ARSB: variants seen among roughly 807,000 people sequenced by gnomAD.
ARSB encodes N-acetylgalactosamine-4-sulfatase.
Under a neutral mutation model 50.9 loss-of-function variants are expected in ARSB, and 41 were observed. That is an observed-to-expected ratio of 0.81 (90% confidence interval 0.63 to 1.04). The LOEUF is 1.04. Ranked by LOEUF, ARSB falls within the 50% of genes least tolerant of loss-of-function variation. The pLI, the probability that ARSB is intolerant of heterozygous loss-of-function variation, is 0.00. For missense variants in ARSB, 672 were observed against 693.3 expected (o/e 0.97, Z 0.35); for synonymous variants, 269 against 284.8 (o/e 0.94, Z 0.56).
intron 4 of ARSB, among the ~76,000 whole-genome samples, chr5:78,927,784 A>C (rs1750121232): frequency 6.6e-6 from 1 of 152,188 alleles, no homozygotes; most frequent in Non-Finnish European, 1.5e-5. Flanking sequence ...CCTGTTATCT[A>C]AATTGCCTAA....
intron 6 of ARSB, among the ~76,000 whole-genome samples, chr5:78,786,751 C>T (rs1018779725): frequency 2.0e-5 from 3 of 152,288 alleles, no homozygotes; most frequent in Middle Eastern, 3.4e-3. Flanking sequence ...TCCAGAATAG[C>T]GGGGACTACA....
At chr5:78,830,914 C>T (rs927335596) in intron 6 of ARSB, among the ~76,000 whole-genome samples, 1 of 152,176 alleles carries the variant, frequency 6.6e-6, no homozygotes, top group African/African-American at 2.4e-5. Context: ...AGCAGCAACT[C>T]CCACTCTATA....
chr5:78,875,634 C>A (rs1747443362), intron 5 of ARSB, among the ~76,000 whole-genome samples: 1 of 151,514 alleles, frequency 6.6e-6, no homozygotes, highest in Admixed American at 6.6e-5. Context: ...GAAATAAATA[C>A]ATTCTTTCAT....
At chr5:78,972,498 C>T (rs1752490567) in intron 1 of ARSB, among the ~76,000 whole-genome samples, 1 of 141,554 alleles carries the variant, frequency 7.1e-6, no homozygotes. Flanking sequence ...TTCCTCTTAG[C>T]ACATTTGCAC....
intron 4 of ARSB, among the ~76,000 whole-genome samples, chr5:78,926,335 A>G (rs1220971251): frequency 6.6e-6 from 1 of 152,218 alleles, no homozygotes; most frequent in Non-Finnish European, 1.5e-5. Context: ...TGCATTCTGC[A>G]TTGATGAAAT....
intron 4 of ARSB, among the ~76,000 whole-genome samples, chr5:78,932,500 C>T (rs956291507): frequency 6.6e-6 from 1 of 152,194 alleles, no homozygotes; most frequent in Admixed American, 6.5e-5. Context: ...CTTTCTAGAA[C>T]TTCAATTATC....
At chr5:78,926,123 T>C (rs337895) in intron 4 of ARSB, among the ~76,000 whole-genome samples, 29,959 of 152,054 alleles carry the variant, frequency 0.2, 3,107 homozygotes, top group East Asian at 0.42. Flanking sequence ...CTGAATAACA[T>C]ATTCAGGATC....
At chr5:78,870,498 G>A (rs1747083617) in intron 5 of ARSB, among the ~76,000 whole-genome samples, 1 of 147,338 alleles carries the variant, frequency 6.8e-6, no homozygotes, top group South Asian at 2.2e-4. Context: ...TGGGATGCAA[G>A]GCTGCTTCAA....
chr5:78,969,503 G>A (rs547845318), intron 1 of ARSB, among the ~76,000 whole-genome samples: 20 of 152,330 alleles, frequency 1.3e-4, no homozygotes, highest in Admixed American at 1.0e-3. Flanking sequence ...AATATGTGGT[G>A]TGAATCTAAC....
intron 6 of ARSB, among the ~76,000 whole-genome samples, chr5:78,812,475 G>A (rs1009151641): frequency 1.3e-5 from 2 of 152,032 alleles, no homozygotes; most frequent in Admixed American, 6.6e-5. Context: ...GATGAGAAGT[G>A]GCTACACAAC....
intron 5 of ARSB, among the ~76,000 whole-genome samples, chr5:78,880,512 G>A (rs1377819756): frequency 6.6e-6 from 1 of 152,136 alleles, no homozygotes; most frequent in African/African-American, 2.4e-5. Context: ...AAAAATGATT[G>A]GATATCAAGC....
chr5:78,871,738 T>G (rs1018693610), intron 5 of ARSB, among the ~76,000 whole-genome samples: 4 of 137,702 alleles, frequency 2.9e-5, no homozygotes, highest in Non-Finnish European at 6.4e-5. Flanking sequence ...GGCATTACCA[T>G]TCAGGACATA....
chr5:78,869,406 G>C (rs1176844184), intron 5 of ARSB, among the ~76,000 whole-genome samples: 2 of 135,798 alleles, frequency 1.5e-5, no homozygotes, highest in Admixed American at 7.7e-5. Flanking sequence ...TGACCACATA[G>C]TTGGAAGTAA....
At chr5:78,886,229 C>T (rs538012458) in intron 4 of ARSB, among the ~76,000 whole-genome samples, 39 of 152,316 alleles carry the variant, frequency 2.6e-4, no homozygotes, top group African/African-American at 9.1e-4. Flanking sequence ...GGGAATTTCA[C>T]TTAGTGACTT....
chr5:78,975,109 A>G (rs1432068498), intron 1 of ARSB, among the ~76,000 whole-genome samples: 1 of 152,108 alleles, frequency 6.6e-6, no homozygotes, highest in Non-Finnish European at 1.5e-5. Flanking sequence ...CATTTCTTCC[A>G]GCTCTGCACT....
At chr5:78,911,011 T>C (rs1226648529) in intron 4 of ARSB, among the ~76,000 whole-genome samples, 4 of 152,204 alleles carry the variant, frequency 2.6e-5, no homozygotes, top group Non-Finnish European at 5.9e-5. Flanking sequence ...GTTGTTGTTG[T>C]TCTTTTAAAT....
intron 4 of ARSB, among the ~76,000 whole-genome samples, chr5:78,920,176 G>T (rs1308904339): frequency 6.6e-6 from 1 of 152,334 alleles, no homozygotes; most frequent in Middle Eastern, 3.4e-3. Flanking sequence ...TGGGTGGCTG[G>T]AGGGAGGCAG....
chr5:78,938,446 T>C (rs964363238), intron 4 of ARSB, among the ~76,000 whole-genome samples: 3 of 152,214 alleles, frequency 2.0e-5, no homozygotes, highest in Non-Finnish European at 4.4e-5. Context: ...TTTTCCTCTA[T>C]GATAGACGCG....
chr5:78,931,334 T>A (rs1252211672), intron 4 of ARSB, among the ~76,000 whole-genome samples: 1 of 152,190 alleles, frequency 6.6e-6, no homozygotes, highest in Non-Finnish European at 1.5e-5. Context: ...TCACTTTTGT[T>A]TTTTCAACTG....
Sources: allele counts gnomAD v4.1 joint callset (sites outside exome capture counted in the v4.1 genomes callset), GRCh38; gene constraint gnomAD v4.1.1; transcripts MANE v1.5; gene names NCBI Gene and HGNC (gene_info 2026-07-23, HGNC 2026-07-21).